STARD3NL: variants seen among roughly 807,000 people sequenced by gnomAD.
STARD3NL encodes the protein STARD3 N-terminal-like protein.
Under a neutral mutation model 30.9 loss-of-function variants are expected in STARD3NL, and 17 were observed. That is an observed-to-expected ratio of 0.55 (90% CI 0.38 to 0.82). The LOEUF (loss-of-function observed/expected upper bound fraction) is 0.82, where lower values mean the gene tolerates loss of function less well. Ranked by LOEUF, STARD3NL falls within the 40% of genes least tolerant of loss-of-function variation. STARD3NL has a pLI of 0.00. For missense variants in STARD3NL, 234 were observed against 277.6 expected, an observed-to-expected ratio of 0.84 and a Z score of 1.12; for synonymous variants, 112 against 100.5, an observed-to-expected ratio of 1.11 and a Z score of -0.69.
At chr7:38,197,891 G>A (rs1784997446) in intron 1 of STARD3NL, among the ~76,000 whole-genome samples, 1 of 152,166 alleles carries the variant, frequency 6.6e-6, no homozygotes, top group African/African-American at 2.4e-5. Context: ...ACTTCTAGCT[G>A]CTTCACCTCG....
chr7:38,208,681 G>A (rs1028816938), intron 2 of STARD3NL, among the ~76,000 whole-genome samples: 1 of 152,140 alleles, frequency 6.6e-6, no homozygotes, highest in African/African-American at 2.4e-5. Flanking sequence ...CTAAGACCTA[G>A]GTAGTAATCA....
At chr7:38,180,219 C>T (rs1205016161) in intron 1 of STARD3NL, among the ~76,000 whole-genome samples, 1 of 152,224 alleles carries the variant, frequency 6.6e-6, no homozygotes, top group Non-Finnish European at 1.5e-5. Flanking sequence ...TCCAGAGGCC[C>T]TCTTAATGAA....
intron 7 of STARD3NL, among the ~76,000 whole-genome samples, chr7:38,225,302 T>G (rs899617253): frequency 4.6e-5 from 7 of 152,226 alleles, no homozygotes; most frequent in Admixed American, 2.0e-4. Context: ...GTCTTTTCAT[T>G]TCTTCCTAGA....
intron 1 of STARD3NL, among the ~76,000 whole-genome samples, chr7:38,197,080 G>C (rs1326406601): frequency 1.3e-5 from 2 of 152,004 alleles, no homozygotes; most frequent in Admixed American, 6.5e-5. Flanking sequence ...CCCTAACCTT[G>C]CCCACTGCCA....
intron 7 of STARD3NL, among the ~76,000 whole-genome samples, chr7:38,224,636 G>C (rs958978477): frequency 6.6e-6 from 1 of 152,134 alleles, no homozygotes; most frequent in African/African-American, 2.4e-5. Context: ...TGTATGCACT[G>C]CCCACCTGGT....
At chr7:38,228,743 T>C in intron 7 of STARD3NL, 56 bp from the exon 8 acceptor site, 3 of 1,432,136 alleles carry the variant, frequency 2.1e-6, no homozygotes, top group Non-Finnish European at 9.7e-7. Flanking sequence ...TTTAAAATAG[T>C]TTGTTACTGT....
Position 38,229,932 on chromosome 7 carries a change from C to T in STARD3NL, c.*27C>T, listed in dbSNP as rs1353503949. On this transcript the variant is annotated 3_prime_UTR_variant, in exon 9 of 9. Coordinates refer to ENST00000009041, the MANE Select transcript of STARD3NL (RefSeq NM_032016.4). ...TCTCTCTTTTTCTAAGTGTGAAAAA[C>T]CCTCACAGAAAGTCATCGAGGCAAA... is the stretch of plus-strand genomic sequence containing the variant. The T allele has an allele frequency of 2.6e-5, 4 of 152,446 alleles. No homozygotes were observed. The East Asian group carries it at 5.8e-4, about 22-fold the overall frequency. The allele number at this position is 152,446 out of a possible 1,614,324, so 9.4% of individuals were successfully genotyped here.
intron 7 of STARD3NL, among the ~76,000 whole-genome samples, chr7:38,221,296 C>G (rs1562625032): frequency 1.3e-5 from 2 of 152,160 alleles, no homozygotes; most frequent in Non-Finnish European, 2.9e-5. Flanking sequence ...CACTCATTTA[C>G]TCCTCCCTTG....
At chr7:38,228,897 C>T in intron 8 of STARD3NL, 26 bp downstream of exon 8, 2 of 1,527,030 alleles carry the variant, frequency 1.3e-6, no homozygotes, top group Non-Finnish European at 1.8e-6. Flanking sequence ...GAAACCATAA[C>T]AACAAAGTAG....
rs1787003962 is a variant in STARD3NL, at chr7:38,229,938, CAG to C, written c.*35_*36del. 6.6e-6 allele frequency: 1 copy of C among 152,482 alleles called. No individual in the cohort carries two copies. Among genetic ancestry groups the C allele is most frequent in the Non-Finnish European group, 1.5e-5 (1 of 68,034 alleles). The allele number at this position is 152,482 out of a possible 1,614,324, so 9.4% of individuals were successfully genotyped here. On this transcript the variant is annotated 3_prime_UTR_variant, in exon 9 of 9. Transcript: ENST00000009041. ...TTTTTCTAAGTGTGAAAAACCCTCA[CAG>C]AAAGTCATCGAGGCAAAAAGAGGCA...
chr7:38,193,890 T>TTG (rs1784796531), intron 1 of STARD3NL, among the ~76,000 whole-genome samples: 1 of 152,214 alleles, frequency 6.6e-6, no homozygotes, highest in Non-Finnish European at 1.5e-5. Flanking sequence ...TATTCTTGTG[T>TTG]TGTTACATGT....
intron 2 of STARD3NL, among the ~76,000 whole-genome samples, chr7:38,212,360 G>C (rs1305162187): frequency 6.6e-6 from 1 of 152,078 alleles, no homozygotes; most frequent in Non-Finnish European, 1.5e-5. Flanking sequence ...TATATGAAAT[G>C]ATTAATTTCC....
At chr7:38,183,519 T>A (rs905763674) in intron 1 of STARD3NL, among the ~76,000 whole-genome samples, 1 of 152,218 alleles carries the variant, frequency 6.6e-6, no homozygotes, top group South Asian at 2.1e-4. Flanking sequence ...TTCCTACTCA[T>A]GTAGTGATTT....
intron 1 of STARD3NL, among the ~76,000 whole-genome samples, chr7:38,206,656 G>T (rs1785503322): frequency 1.3e-5 from 2 of 152,198 alleles, no homozygotes; most frequent in African/African-American, 4.8e-5. Context: ...TTTCCAAGAA[G>T]AGGCCTAGAA....
At chr7:38,201,395 G>A (rs919833535) in intron 1 of STARD3NL, among the ~76,000 whole-genome samples, 4 of 151,802 alleles carry the variant, frequency 2.6e-5, no homozygotes, top group East Asian at 1.9e-4. Flanking sequence ...AGATTGATAC[G>A]TTTCTTAATC....
intron 7 of STARD3NL, among the ~76,000 whole-genome samples, chr7:38,221,263 C>T (rs1351975725): frequency 7.2e-5 from 11 of 152,130 alleles, no homozygotes; most frequent in Admixed American, 7.2e-4. Flanking sequence ...GTGTCAGGTG[C>T]TGTTCTAAGC....
intron 8 of STARD3NL, among the ~76,000 whole-genome samples, chr7:38,229,170 T>C (rs1786958133): frequency 6.6e-6 from 1 of 152,274 alleles, no homozygotes; most frequent in African/African-American, 2.4e-5. Flanking sequence ...ATTGTTTTAA[T>C]GACAGGTACT....
At position 38,184,693 on chromosome 7, in the gene STARD3NL, C is replaced by T. The variant is rs144780398; in HGVS notation, c.-59+6273C>T. Among the ~76,000 whole-genome samples, 523 of 145,228 alleles carry T rather than the reference C, an allele frequency of 3.6e-3. 3 individuals carry two copies. Among genetic ancestry groups the T allele is most frequent in the African/African-American group, 0.012 (494 of 39,650 alleles). On this transcript the variant is annotated intron_variant, in intron 1 of 8. Coordinates refer to ENST00000009041, the MANE Select transcript of STARD3NL (RefSeq NM_032016.4). Reference sequence around the variant, plus strand: ...TATACTATATATATAATATATAACCCATATAGTATATAATATATATATAAT... The same window carrying T: ...TATACTATATATATAATATATAACCTATATAGTATATAATATATATATAAT...
chr7:38,210,167 ACATTTACC>A (rs1785717459), intron 2 of STARD3NL, among the ~76,000 whole-genome samples: 1 of 152,328 alleles, frequency 6.6e-6, no homozygotes, highest in African/African-American at 2.4e-5. Flanking sequence ...ACATGTCTTT[ACATTTACC>A]AAATGCCAGA....
Sources: allele counts gnomAD v4.1 joint callset (sites outside exome capture counted in the v4.1 genomes callset), GRCh38; gene constraint gnomAD v4.1.1; transcripts MANE v1.5; gene names NCBI Gene and HGNC (gene_info 2026-07-23, HGNC 2026-07-21).